The following GRIK2 variants were observed in gnomAD, a reference collection of about 807,000 sequenced individuals.
GRIK2 encodes the protein glutamate receptor ionotropic, kainate 2.
GRIK2 carries 32 observed loss-of-function variants against 100.3 expected under a neutral mutation model. That is an observed-to-expected ratio of 0.32 (90% CI 0.24 to 0.43). The LOEUF (loss-of-function observed/expected upper bound fraction) is 0.43. GRIK2 is among the 20% of genes least tolerant of loss of function. The pLI, the probability that GRIK2 is intolerant of heterozygous loss-of-function variation, is 1.00. For synonymous variants in GRIK2, 417 were observed against 389.4 expected (o/e 1.07, Z -0.83); for missense variants, 843 against 1,114.9 (o/e 0.76, Z 3.47).
At chr6:101,938,510 T>C (rs1167405356) in intron 14 of GRIK2, among the ~76,000 whole-genome samples, 1 of 152,128 alleles carries the variant, frequency 6.6e-6, no homozygotes, top group Non-Finnish European at 1.5e-5. Context: ...GTAAATGTCT[T>C]ATTCTTAAAG....
At chr6:101,875,273 C>T (rs1007494818) in intron 11 of GRIK2, among the ~76,000 whole-genome samples, 3 of 151,718 alleles carry the variant, frequency 2.0e-5, no homozygotes, top group East Asian at 1.9e-4. Context: ...ATTTACAAAT[C>T]GGTGGACAAG....
At chr6:102,066,901 A>T (rs1210759980) in intron 16 of GRIK2, among the ~76,000 whole-genome samples, 1 of 151,680 alleles carries the variant, frequency 6.6e-6, no homozygotes, top group Non-Finnish European at 1.5e-5. Context: ...GAGTCCATCA[A>T]AGGAAAATTA....
intron 2 of GRIK2, among the ~76,000 whole-genome samples, chr6:101,543,810 A>G (rs988325832): frequency 6.6e-5 from 10 of 152,244 alleles, no homozygotes; most frequent in African/African-American, 2.4e-4. Flanking sequence ...CCAATGCTAC[A>G]TACATTTTGC....
chr6:101,421,177 C>G (rs772979766), intron 2 of GRIK2, among the ~76,000 whole-genome samples: 1 of 152,218 alleles, frequency 6.6e-6, no homozygotes, highest in Non-Finnish European at 1.5e-5. Context: ...TCTGCCTCCA[C>G]TAGCTGGCCA....
rs58036982 is a variant in GRIK2, at chr6:101,680,077, T to C, written c.724-2476T>C. On this transcript the variant is annotated intron_variant, in intron 5 of 16. Transcript: ENST00000369134. ...ACGTCATATATCACAGCACATTAAC[T>C]GATCCTTGTTTTCAAAATCAAAAGC... Among the ~76,000 whole-genome samples, 1,272 of 152,290 alleles carry C rather than the reference T, an allele frequency of 8.4e-3. 12 individuals are homozygous for C. The highest frequency in any genetic ancestry group is 0.029 in the African/African-American group (1,190 of 41,572).
intron 7 of GRIK2, among the ~76,000 whole-genome samples, chr6:101,697,639 A>G (rs1159508014): frequency 6.6e-6 from 1 of 152,000 alleles, no homozygotes; most frequent in African/African-American, 2.4e-5. Context: ...ATTTTTGGTT[A>G]GGTTTTTCAT....
chr6:101,878,880 A>G (rs1393596160), intron 11 of GRIK2, among the ~76,000 whole-genome samples: 2 of 152,020 alleles, frequency 1.3e-5, no homozygotes, highest in Non-Finnish European at 2.9e-5. Context: ...TACCTGGATC[A>G]AGCAGTATGT....
intron 12 of GRIK2, among the ~76,000 whole-genome samples, chr6:101,907,094 A>G (rs1788282683): frequency 6.6e-6 from 1 of 151,756 alleles, no homozygotes; most frequent in Non-Finnish European, 1.5e-5. Context: ...TTTTGAAAGC[A>G]GAGGTATAAA....
At chr6:101,663,187 C>G (rs1769759040) in intron 4 of GRIK2, among the ~76,000 whole-genome samples, 1 of 152,002 alleles carries the variant, frequency 6.6e-6, no homozygotes, top group Admixed American at 6.6e-5. Context: ...AGTATAAAAC[C>G]AATAACAGCA....
intron 7 of GRIK2, among the ~76,000 whole-genome samples, chr6:101,693,431 G>A (rs1250246474): frequency 7.9e-5 from 12 of 151,008 alleles, no homozygotes; most frequent in African/African-American, 2.4e-4. Context: ...TAAAAATGTA[G>A]GGGAGAAAAA....
intron 7 of GRIK2, among the ~76,000 whole-genome samples, chr6:101,702,220 T>G (rs1772951374): frequency 6.6e-6 from 1 of 152,042 alleles, no homozygotes; most frequent in Non-Finnish European, 1.5e-5. Context: ...TGCAAGTATC[T>G]CTTTATTCTT....
At chr6:101,505,354 A>G (rs188817438) in intron 2 of GRIK2, among the ~76,000 whole-genome samples, 1 of 152,210 alleles carries the variant, frequency 6.6e-6, no homozygotes, top group African/African-American at 2.4e-5. Flanking sequence ...TCCTCAGTTA[A>G]GCAGCTGGCA....
At chr6:102,059,673 C>G (rs1234055592) in intron 16 of GRIK2, among the ~76,000 whole-genome samples, 2 of 150,618 alleles carry the variant, frequency 1.3e-5, no homozygotes, top group South Asian at 2.1e-4. Flanking sequence ...TTTTTATAAA[C>G]TTTTTATAAC....
rs556835965 is a variant in GRIK2 at position 102,028,745 on chromosome 6, G to GGTAA, written c.2086-6593_2086-6590dup. On this transcript the variant is annotated intron_variant, in intron 14 of 16. Transcript: ENST00000369134. ...GAAATCGTTTTTTTTATTTTTGTCA[G>GGTAA]GTAAGTTATAATCTTTTTATGTTTT... 1.5e-3 allele frequency among the ~76,000 whole-genome samples: 229 copies of GGTAA among 150,748 alleles called. 1 individual carries two copies. Among genetic ancestry groups the GGTAA allele is most frequent in the African/African-American group, 5.3e-3 (218 of 41,338 alleles).
chr6:101,538,565 T>C (rs2128287484), intron 2 of GRIK2, among the ~76,000 whole-genome samples: 1 of 151,736 alleles, frequency 6.6e-6, no homozygotes, highest in South Asian at 2.1e-4. Flanking sequence ...CTATCAATGA[T>C]AATATTTTGT....
chr6:101,542,599 T>G (rs190865486), intron 2 of GRIK2, among the ~76,000 whole-genome samples: 48 of 152,274 alleles, frequency 3.2e-4, no homozygotes, highest in Non-Finnish European at 5.1e-4. Context: ...TTGTAGTATT[T>G]AAAATATTAT....
intron 7 of GRIK2, among the ~76,000 whole-genome samples, chr6:101,693,981 G>A (rs1772295687): frequency 6.6e-6 from 1 of 151,974 alleles, no homozygotes; most frequent in Non-Finnish European, 1.5e-5. Context: ...AATTTGTGAC[G>A]TTCAGGAAGG....
At chr6:101,868,080 T>C (rs971580743) in intron 11 of GRIK2, among the ~76,000 whole-genome samples, 1 of 150,110 alleles carries the variant, frequency 6.7e-6, no homozygotes, top group African/African-American at 2.5e-5. Flanking sequence ...CCTCTATAAA[T>C]GGAGACTTCT....
At chr6:101,972,042 C>T (rs1397814265) in intron 14 of GRIK2, among the ~76,000 whole-genome samples, 1 of 151,870 alleles carries the variant, frequency 6.6e-6, no homozygotes, top group Non-Finnish European at 1.5e-5. Context: ...TTGTGAACAG[C>T]ACTGTGATGA....
Sources: gnomAD v4.1 joint callset for allele counts (sites outside exome capture counted in the v4.1 genomes callset) on GRCh38, gnomAD v4.1.1 for gene constraint, MANE v1.5 for transcripts, NCBI Gene and HGNC (gene_info 2026-07-23, HGNC 2026-07-21) for gene names.